Variants in STK39 observed in about 807,000 individuals in gnomAD.
STK39 encodes the protein serine/threonine kinase 39.
In STK39, 20 loss-of-function variants were observed where a neutral mutation model predicts 77.8. That is an observed-to-expected ratio of 0.26 (90% CI 0.18 to 0.37). The LOEUF (loss-of-function observed/expected upper bound fraction) is 0.37, where lower values mean the gene tolerates loss of function less well. Ranked by LOEUF, STK39 falls within the 10% of genes least tolerant of loss-of-function variation. STK39 has a pLI of 1.00. For missense variants in STK39, 479 were observed against 656.5 expected (o/e 0.73, Z 2.95); for synonymous variants, 246 against 234.1 (o/e 1.05, Z -0.47).
chr2:168,183,473 C>G (rs562039686), intron 1 of STK39, among the ~76,000 whole-genome samples: 2 of 152,152 alleles, frequency 1.3e-5, no homozygotes, highest in Non-Finnish European at 2.9e-5. Context: ...TAATAAGTAC[C>G]TGAGCCAGTA....
intron 10 of STK39, among the ~76,000 whole-genome samples, chr2:168,095,198 T>C (rs1047478290): frequency 6.6e-6 from 1 of 152,206 alleles, no homozygotes; most frequent in Non-Finnish European, 1.5e-5. Context: ...GCACCTGTCA[T>C]GGGCTCCTTA....
At chr2:168,036,724 A>G (rs1289727345) in intron 14 of STK39, among the ~76,000 whole-genome samples, 4 of 152,206 alleles carry the variant, frequency 2.6e-5, no homozygotes, top group Non-Finnish European at 5.9e-5. Context: ...TCTAAAAGCC[A>G]GTAAGGAAAC....
At chr2:168,001,312 C>T (rs1432504686) in intron 16 of STK39, among the ~76,000 whole-genome samples, 1 of 148,946 alleles carries the variant, frequency 6.7e-6, no homozygotes, top group African/African-American at 2.5e-5. Context: ...AAATTGGGCA[C>T]AAACGTTGAT....
At chr2:167,993,174 T>A (rs1450672408) in intron 16 of STK39, among the ~76,000 whole-genome samples, 1 of 152,170 alleles carries the variant, frequency 6.6e-6, no homozygotes, top group African/African-American at 2.4e-5. Flanking sequence ...TAAGACTATT[T>A]AATGGGAGTA....
At chr2:168,206,136 C>G (rs534130806) in intron 1 of STK39, among the ~76,000 whole-genome samples, 1 of 152,312 alleles carries the variant, frequency 6.6e-6, no homozygotes, top group East Asian at 1.9e-4. Context: ...ACAGCAATGT[C>G]CTCATGAGGG....
intron 2 of STK39, among the ~76,000 whole-genome samples, chr2:168,180,208 G>A (rs150159567): frequency 0.025 from 3,769 of 152,112 alleles, 89 homozygotes; most frequent in East Asian, 0.076. Flanking sequence ...TTAGCCGGGC[G>A]TGGTGGTGCA....
chr2:167,977,667 G>T (rs1236495354), intron 16 of STK39, among the ~76,000 whole-genome samples: 1 of 152,064 alleles, frequency 6.6e-6, no homozygotes, highest in African/African-American at 2.4e-5. Flanking sequence ...GATTCTATAG[G>T]TGTCTTAACC....
chr2:168,228,044 T>C (rs1350638149), intron 1 of STK39, among the ~76,000 whole-genome samples: 3 of 152,284 alleles, frequency 2.0e-5, no homozygotes, highest in African/African-American at 2.4e-5. Flanking sequence ...CAAAGTATAA[T>C]AGATACTCCT....
At chr2:168,227,490 C>T (rs1364095091) in intron 1 of STK39, among the ~76,000 whole-genome samples, 2 of 152,220 alleles carry the variant, frequency 1.3e-5, no homozygotes, top group Non-Finnish European at 2.9e-5. Flanking sequence ...GCTAGTTCTA[C>T]AAAAAGATAC....
intron 14 of STK39, among the ~76,000 whole-genome samples, chr2:168,017,377 A>ATTTTTTTTT (rs386391743): frequency 2.1e-5 from 2 of 93,592 alleles, no homozygotes; most frequent in Non-Finnish European, 4.0e-5. Context: ...GGAAACCTTA[A>ATTTTTTTTT]TTTTTTTTTT....
In STK39 at chr2:168,244,956, C is replaced by T. The variant is rs186853119; in HGVS notation, c.208+2272G>A. 2.4e-3 allele frequency among the ~76,000 whole-genome samples: 359 copies of T among 152,304 alleles called. 2 individuals carry two copies. The highest frequency in any genetic ancestry group is 8.0e-3 in the African/African-American group (333 of 41,562). On this transcript the variant is annotated intron_variant, in intron 1 of 17. Transcript: ENST00000355999. ...GAAAGAAGTCCTGCCATTAATCCCA[C>T]TCAACTTAAACTAAGATTTTATTAG...
chr2:168,075,527 T>C (rs1374547203), intron 10 of STK39, among the ~76,000 whole-genome samples: 19 of 152,250 alleles, frequency 1.2e-4, no homozygotes, highest in Non-Finnish European at 2.9e-5. Context: ...TCATTTTTCA[T>C]GTTTACTTCA....
In STK39 at chr2:168,132,078, G is replaced by A. The variant is rs535999413; in HGVS notation, c.975-2320C>T. ...ACCTTGGAAGGAGAAGGGCTCCTGA[G>A]GGAACATGTAGTAGAAACACTTTAC... On this transcript the variant is annotated intron_variant, in intron 8 of 17. Transcript: ENST00000355999. 4.8e-4 allele frequency among the ~76,000 whole-genome samples: 73 copies of A among 152,256 alleles called. No homozygotes were observed. In the Middle Eastern group the frequency reaches 0.01, roughly 21 times the overall value.
At chr2:168,073,173 A>G (rs1393083935) in intron 12 of STK39, among the ~76,000 whole-genome samples, 1 of 152,178 alleles carries the variant, frequency 6.6e-6, no homozygotes, top group African/African-American at 2.4e-5. Context: ...CTGTGCAGAA[A>G]ATATTCTTGC....
intron 10 of STK39, among the ~76,000 whole-genome samples, chr2:168,124,851 C>A (rs1255268847): frequency 6.6e-6 from 1 of 152,126 alleles, no homozygotes; most frequent in Non-Finnish European, 1.5e-5. Flanking sequence ...ATGAGACCAT[C>A]ATTCTCAGCA....
intron 15 of STK39, among the ~76,000 whole-genome samples, chr2:168,013,035 C>G (rs772110821): frequency 1.1e-4 from 16 of 152,212 alleles, no homozygotes; most frequent in Non-Finnish European, 1.3e-4. Context: ...GCTTTTCTTT[C>G]CTGCCAAGGT....
intron 1 of STK39, among the ~76,000 whole-genome samples, chr2:168,198,519 G>A (rs1689531351): frequency 6.6e-6 from 1 of 152,116 alleles, no homozygotes; most frequent in Non-Finnish European, 1.5e-5. Flanking sequence ...TCATTCACCT[G>A]TCAATGACTT....
chr2:168,084,547 G>C (rs1384327995), intron 10 of STK39, among the ~76,000 whole-genome samples: 1 of 152,180 alleles, frequency 6.6e-6, no homozygotes, highest in Non-Finnish European at 1.5e-5. Context: ...AGGAAAGGAG[G>C]ACCCTGTTGT....
intron 16 of STK39, among the ~76,000 whole-genome samples, chr2:167,985,371 G>A (rs755892786): frequency 3.9e-5 from 6 of 152,108 alleles, no homozygotes; most frequent in Non-Finnish European, 8.8e-5. Context: ...ACACAACATC[G>A]CATGAATAAA....
Sources: allele counts gnomAD v4.1 joint callset (sites outside exome capture counted in the v4.1 genomes callset), GRCh38; gene constraint gnomAD v4.1.1; transcripts MANE v1.5; gene names NCBI Gene and HGNC (gene_info 2026-07-23, HGNC 2026-07-21).